The following EPHA5 variants were observed in gnomAD, a reference collection of about 807,000 sequenced individuals.
EPHA5 encodes the protein ephrin type-A receptor 5.
EPHA5 carries 60 observed loss-of-function variants against 105.0 expected under a neutral mutation model. The ratio of observed to expected loss-of-function variants is 0.57; its 90% confidence interval spans 0.46 to 0.71. EPHA5 has a LOEUF of 0.71. Among genes scored for constraint, EPHA5 ranks in the 30% least tolerant of loss-of-function variants. The pLI is 0.00. For missense variants in EPHA5, 1,218 were observed against 1,274.7 expected, an observed-to-expected ratio of 0.96 and a Z score of 0.68; for synonymous variants, 513 against 449.1, an observed-to-expected ratio of 1.14 and a Z score of -1.80.
chr4:65,416,058 C>T (rs1037946105), intron 6 of EPHA5, among the ~76,000 whole-genome samples: 2 of 151,964 alleles, frequency 1.3e-5, no homozygotes, highest in African/African-American at 4.8e-5. Context: ...ACTTTCCAGT[C>T]TGGCTATGAT....
At chr4:65,524,415 C>T (rs1361758054) in intron 3 of EPHA5, among the ~76,000 whole-genome samples, 2 of 151,720 alleles carry the variant, frequency 1.3e-5, no homozygotes, top group Admixed American at 1.3e-4. Context: ...TTCTTATGCT[C>T]TTCATAGTCT....
chr4:65,665,697 C>G (rs78650504), intron 1 of EPHA5, among the ~76,000 whole-genome samples: 1,916 of 152,192 alleles, frequency 0.013, 41 homozygotes, highest in African/African-American at 0.043. Flanking sequence ...ACTGTCCTCT[C>G]TGTCTTATAT....
intron 3 of EPHA5, among the ~76,000 whole-genome samples, chr4:65,508,062 A>T (rs1733242971): frequency 6.6e-6 from 1 of 152,074 alleles, no homozygotes; most frequent in Admixed American, 6.6e-5. Context: ...CTCATGAAAT[A>T]ACCTTATTTC....
intron 16 of EPHA5, among the ~76,000 whole-genome samples, chr4:65,329,647 A>G (rs925128650): frequency 6.6e-6 from 1 of 151,274 alleles, no homozygotes; most frequent in African/African-American, 2.4e-5. Flanking sequence ...AACTCTAAGA[A>G]TTATATTTTA....
intron 5 of EPHA5, among the ~76,000 whole-genome samples, chr4:65,480,721 C>T (rs1045421535): frequency 5.9e-5 from 9 of 152,064 alleles, no homozygotes; most frequent in African/African-American, 1.9e-4. Context: ...TCTGTGGTAG[C>T]GTTTTGGGCA....
In EPHA5 at chr4:65,404,461, T is replaced by C. The variant is rs1006375674; in HGVS notation, c.1706A>G (p.Asp569Gly). ...AGCAATTACAGGAATCTGGCTTTGA[T>C]CGCTGGATGCTGCAACTGCTGATAG... The part of the protein sequence containing the change: ...TTPVSVAASS[D>G]QSQIPVIAVS... Residue 569 changes from aspartate (D) to glycine (G), a missense_variant, in exon 8 of 17, where the codon GAT (aspartate) becomes GGT (glycine). Coordinates refer to ENST00000613740, the MANE Select transcript of EPHA5 (RefSeq NM_001281766.3). 2 of 1,613,722 alleles carry C rather than the reference T, an allele frequency of 1.2e-6. No homozygotes were observed. The highest frequency in any genetic ancestry group is 2.2e-5 in the East Asian group (1 of 44,816).
chr4:65,351,637 A>T, intron 12 of EPHA5, 39 bp from the exon 13 acceptor site: 1 of 1,576,542 alleles, frequency 6.3e-7, no homozygotes, highest in Non-Finnish European at 8.7e-7. Context: ...TAGCAACACC[A>T]ATCACTGGGG....
At chr4:65,454,911 ACTCT>A (rs915014621) in intron 5 of EPHA5, among the ~76,000 whole-genome samples, 3 of 152,002 alleles carry the variant, frequency 2.0e-5, no homozygotes, top group East Asian at 1.9e-4. Flanking sequence ...CTCACCTCTG[ACTCT>A]CTCTCTTTCT....
chr4:65,609,230 T>C (rs574005891), intron 2 of EPHA5, among the ~76,000 whole-genome samples: 4 of 152,306 alleles, frequency 2.6e-5, no homozygotes, highest in African/African-American at 9.6e-5. Flanking sequence ...TGACAAAATA[T>C]ATCAGCTTTC....
At chr4:65,565,990 C>G (rs1300841235) in intron 3 of EPHA5, among the ~76,000 whole-genome samples, 1 of 151,524 alleles carries the variant, frequency 6.6e-6, no homozygotes. Context: ...TTAGTCAATT[C>G]ATGGGTTATA....
intron 11 of EPHA5, 45 bp from the exon 12 acceptor site, chr4:65,353,148 G>A (rs776522603): frequency 2.3e-6 from 3 of 1,285,580 alleles, no homozygotes; most frequent in Non-Finnish European, 3.1e-6. Context: ...CTTCGATTTT[G>A]CATTCTTATC....
rs1346317025 is a variant in EPHA5, at chr4:65,404,406, C to T, written c.1761G>A (p.Leu587=). 2 of 1,613,586 alleles carry T rather than the reference C, an allele frequency of 1.2e-6. No homozygotes were observed. The highest frequency in any genetic ancestry group is 1.7e-6 in the Non-Finnish European group (2 of 1,179,758). ...TGAGGAGGACGCCGATAACCACTGC[C>T]AACAAAATGACTCCCACTGTCACAG... ...AVSVTVGVIL[L]AVVIGVLLSG... Residue 587 remains leucine (L), a synonymous_variant, in exon 8 of 17, where the codon TTG becomes TTA. Transcript: ENST00000613740.
At chr4:65,429,994 T>G (rs1393374108) in intron 5 of EPHA5, among the ~76,000 whole-genome samples, 1 of 152,060 alleles carries the variant, frequency 6.6e-6, no homozygotes, top group Admixed American at 6.6e-5. Context: ...GATTAGTGAT[T>G]GCAGCTGGTC....
At chr4:65,593,813 C>A (rs1473244608) in intron 3 of EPHA5, among the ~76,000 whole-genome samples, 1 of 152,182 alleles carries the variant, frequency 6.6e-6, no homozygotes, top group Non-Finnish European at 1.5e-5. Context: ...GCTACGCACA[C>A]AAATACCTCC....
At position 65,601,999 on chromosome 4, in the gene EPHA5, T is replaced by G. The variant is rs1251375770; in HGVS notation, c.552A>C (p.Thr184=). 6.2e-7 allele frequency: 1 copy of G among 1,614,222 alleles called. No individual in the cohort carries two copies. The highest frequency in any genetic ancestry group is 2.2e-5 in the East Asian group (1 of 44,888). Residue 184 remains threonine (T), a synonymous_variant, in exon 3 of 17, where the codon ACA becomes ACC. Coordinates refer to ENST00000613740, the MANE Select transcript of EPHA5 (RefSeq NM_001281766.3). Reference sequence around the variant, plus strand: ...TAACACGGTCACCAAGATCAAGTTCTGTAAAGCTTTCATCGGCAGCAATGG... The same window carrying G: ...TAACACGGTCACCAAGATCAAGTTCGGTAAAGCTTTCATCGGCAGCAATGG... ...IDTIAADESF[T]ELDLGDRVMK...
At chr4:65,488,262 G>C (rs1279718144) in intron 5 of EPHA5, among the ~76,000 whole-genome samples, 2 of 152,096 alleles carry the variant, frequency 1.3e-5, no homozygotes, top group Non-Finnish European at 1.5e-5. Flanking sequence ...AAAATAAACA[G>C]TTATTTTCTC....
rs1206831301 is a variant in EPHA5 at position 65,347,955 on chromosome 4, T to C, written c.2595+99A>G. On this transcript the variant is annotated intron_variant, in intron 14 of 16. Transcript: ENST00000613740. ...AGGGTAAGCAAAGTATTTCATTTTCTTAAGCAACTGTCACTTTCAGAAATG... is the reference window on the plus strand; with the variant it reads ...AGGGTAAGCAAAGTATTTCATTTTCCTAAGCAACTGTCACTTTCAGAAATG... The C allele has an allele frequency of 4.1e-6, 5 of 1,232,976 alleles. No individual in the cohort carries two copies. In the African/African-American group the frequency reaches 7.7e-5, roughly 19 times the overall value. The allele number at this position is 1,232,976 out of a possible 1,614,324, so 76.4% of individuals were successfully genotyped here.
At chr4:65,524,456 T>C (rs1184540235) in intron 3 of EPHA5, among the ~76,000 whole-genome samples, 2 of 151,780 alleles carry the variant, frequency 1.3e-5, no homozygotes, top group Non-Finnish European at 3.0e-5. Context: ...ACATATCACA[T>C]TGTTTAGTTC....
chr4:65,655,236 A>T (rs1748951970), intron 1 of EPHA5, among the ~76,000 whole-genome samples: 1 of 152,090 alleles, frequency 6.6e-6, no homozygotes, highest in Non-Finnish European at 1.5e-5. Flanking sequence ...CATGTGAGTA[A>T]ATATACACTG....
Sources: gnomAD v4.1 joint callset for allele counts (sites outside exome capture counted in the v4.1 genomes callset) on GRCh38, gnomAD v4.1.1 for gene constraint, MANE v1.5 for transcripts, NCBI Gene and HGNC (gene_info 2026-07-23, HGNC 2026-07-21) for gene names.